Variants in SGCD observed in about 807,000 individuals in gnomAD.
SGCD encodes delta-sarcoglycan.
A neutral mutation model predicts 36.6 loss-of-function variants in SGCD; 18 were observed. The observed-to-expected ratio is 0.49, with a 90% confidence interval of 0.34 to 0.73. The LOEUF (loss-of-function observed/expected upper bound fraction) is 0.73, where lower values mean the gene tolerates loss of function less well. Ranked by LOEUF, SGCD falls within the 30% of genes least tolerant of loss-of-function variation. The pLI is 0.01. For missense variants in SGCD, 387 were observed against 346.7 expected (o/e 1.12, Z -0.92); for synonymous variants, 133 against 130.6 (o/e 1.02, Z -0.12).
chr5:156,607,505 C>A (rs1384562366), intron 6 of SGCD, among the ~76,000 whole-genome samples: 1 of 152,106 alleles, frequency 6.6e-6, no homozygotes, highest in African/African-American at 2.4e-5. Context: ...GTCTAAAATT[C>A]TCTTTTTTGG....
intron 7 of SGCD, among the ~76,000 whole-genome samples, chr5:156,738,321 G>A (rs1422993622): frequency 6.6e-6 from 1 of 152,154 alleles, no homozygotes; most frequent in Non-Finnish European, 1.5e-5. Context: ...TCTGGAAACT[G>A]CTATTGTGAT....
chr5:156,056,645 T>TGAAAAAAA (rs1760065775), intron 1 of SGCD, among the ~76,000 whole-genome samples: 1 of 68,264 alleles, frequency 1.5e-5, no homozygotes, highest in Admixed American at 1.7e-4. Flanking sequence ...AAATTATCCT[T>TGAAAAAAA]AAAAAAAAAA....
At chr5:155,912,604 G>A (rs1756652281) in intron 1 of SGCD, among the ~76,000 whole-genome samples, 1 of 152,076 alleles carries the variant, frequency 6.6e-6, no homozygotes, top group African/African-American at 2.4e-5. Context: ...TGTATTTTAA[G>A]CACAACTAGG....
At chr5:155,964,715 C>A (rs1456741736) in intron 1 of SGCD, among the ~76,000 whole-genome samples, 1 of 152,018 alleles carries the variant, frequency 6.6e-6, no homozygotes, top group Non-Finnish European at 1.5e-5. Flanking sequence ...TAAGAGTACA[C>A]AGAGAATCCA....
At chr5:156,612,089 G>C (rs973328190) in intron 6 of SGCD, among the ~76,000 whole-genome samples, 1 of 152,004 alleles carries the variant, frequency 6.6e-6, no homozygotes, top group Non-Finnish European at 1.5e-5. Context: ...TTGGGAGGGG[G>C]TCTGTTACTA....
intron 3 of SGCD, among the ~76,000 whole-genome samples, chr5:156,491,562 A>C (rs1026993882): frequency 6.6e-6 from 1 of 152,140 alleles, no homozygotes; most frequent in African/African-American, 2.4e-5. Flanking sequence ...GATTTTCAAA[A>C]TATTATGTGC....
At chr5:156,502,230 T>A (rs1756488415) in intron 3 of SGCD, among the ~76,000 whole-genome samples, 1 of 152,056 alleles carries the variant, frequency 6.6e-6, no homozygotes, top group Non-Finnish European at 1.5e-5. Context: ...GTATTTTTAG[T>A]AGAGACAGGG....
At chr5:156,045,709 A>G (rs141314017) in intron 1 of SGCD, among the ~76,000 whole-genome samples, 1 of 152,272 alleles carries the variant, frequency 6.6e-6, no homozygotes, top group African/African-American at 2.4e-5. Flanking sequence ...TCCAATGGCC[A>G]TTCCTTGGTT....
intron 2 of SGCD, among the ~76,000 whole-genome samples, chr5:156,337,993 G>C (rs546270565): frequency 2.0e-5 from 3 of 152,124 alleles, no homozygotes; most frequent in Non-Finnish European, 4.4e-5. Flanking sequence ...TTATGAAGAA[G>C]CCTAGTGGGG....
intron 3 of SGCD, among the ~76,000 whole-genome samples, chr5:156,254,526 A>G (rs1290066844): frequency 6.6e-6 from 1 of 152,144 alleles, no homozygotes; most frequent in African/African-American, 2.4e-5. Context: ...ATTAGAGAAG[A>G]TAATTATATG....
intron 7 of SGCD, among the ~76,000 whole-genome samples, chr5:156,689,549 G>T (rs1754035740): frequency 6.6e-6 from 1 of 152,108 alleles, no homozygotes. Flanking sequence ...GACGAAATTT[G>T]GATCTCCAAG....
At chr5:156,124,417 A>C (rs1368170275) in intron 3 of SGCD, among the ~76,000 whole-genome samples, 1 of 152,216 alleles carries the variant, frequency 6.6e-6, no homozygotes, top group Non-Finnish European at 1.5e-5. Context: ...TCATATTTAC[A>C]GTGTCCACAG....
At chr5:156,469,686 C>T (rs1473698955) in intron 3 of SGCD, among the ~76,000 whole-genome samples, 2 of 152,190 alleles carry the variant, frequency 1.3e-5, no homozygotes, top group African/African-American at 4.8e-5. Context: ...CTCACTACAA[C>T]CCCAGGGTAA....
intron 1 of SGCD, among the ~76,000 whole-genome samples, chr5:155,983,165 G>A (rs1758262609): frequency 6.6e-6 from 1 of 152,196 alleles, no homozygotes; most frequent in African/African-American, 2.4e-5. Context: ...TATTTGCTAA[G>A]TATTTCTGTA....
chr5:156,748,574 G>A (rs374773678), intron 7 of SGCD, among the ~76,000 whole-genome samples: 5 of 152,136 alleles, frequency 3.3e-5, no homozygotes, highest in Admixed American at 3.3e-4. Flanking sequence ...TTAAGATAAA[G>A]AGGATAAACC....
intron 3 of SGCD, among the ~76,000 whole-genome samples, chr5:156,381,630 C>T (rs1330901612): frequency 6.6e-6 from 1 of 152,030 alleles, no homozygotes; most frequent in East Asian, 1.9e-4. Flanking sequence ...CTATATGACA[C>T]ATATAGTTGA....
the SGCD span, among the ~76,000 whole-genome samples, chr5:155,774,326 A>G: frequency 6.6e-6 from 1 of 152,294 alleles, no homozygotes; most frequent in Admixed American, 6.5e-5. Flanking sequence ...CTTTGGTAAC[A>G]TTCTTTCCCC....
the SGCD span, among the ~76,000 whole-genome samples, chr5:155,781,423 CT>C: frequency 6.6e-6 from 1 of 152,118 alleles, no homozygotes. Flanking sequence ...TAGTCTATGT[CT>C]TGATATTTTA....
chr5:156,566,511 T>C (rs1369124762), intron 4 of SGCD, among the ~76,000 whole-genome samples: 2 of 150,214 alleles, frequency 1.3e-5, no homozygotes, highest in Non-Finnish European at 2.9e-5. Flanking sequence ...TTGAATGCCC[T>C]GTCACCTGCT....
Sources: gnomAD v4.1 joint callset for allele counts (sites outside exome capture counted in the v4.1 genomes callset) on GRCh38, gnomAD v4.1.1 for gene constraint, MANE v1.5 for transcripts, NCBI Gene and HGNC (gene_info 2026-07-23, HGNC 2026-07-21) for gene names.